The following CSMD1 variants were observed in gnomAD, a reference collection of about 807,000 sequenced individuals.
The protein encoded by CSMD1 is CUB and sushi domain-containing protein 1.
In CSMD1, 213 loss-of-function variants were observed where a neutral mutation model predicts 417.5. The observed-to-expected ratio is 0.51, with a 90% CI of 0.46 to 0.57. The LOEUF (loss-of-function observed/expected upper bound fraction) is 0.57. CSMD1 is among the 20% of genes least tolerant of loss of function. CSMD1 has a pLI of 0.00. For missense variants in CSMD1, 6,923 were observed against 4,529.7 expected (o/e 1.53, Z -15.17); for synonymous variants, 2,862 against 1,736.8 (o/e 1.65, Z -16.11).
chr8:4,679,627 C>G (rs986905310), intron 1 of CSMD1, among the ~76,000 whole-genome samples: 11 of 152,206 alleles, frequency 7.2e-5, no homozygotes, highest in Non-Finnish European at 2.9e-5. Flanking sequence ...GATAATGTAT[C>G]TACAAAAGAT....
rs1009712871 is a variant in CSMD1, at chr8:3,932,863, G to A, written c.818+65040C>T. 4.0e-5 allele frequency among the ~76,000 whole-genome samples: 6 copies of A among 149,918 alleles called. 1 individual carries two copies. Among genetic ancestry groups the A allele is most frequent in the Admixed American group, 6.6e-5 (1 of 15,068 alleles). On this transcript the variant is annotated intron_variant, in intron 5 of 69. Coordinates refer to ENST00000635120, the MANE Select transcript of CSMD1 (RefSeq NM_033225.6). ...TATTGTTATTAGATTTCACTATTGT[G>A]TAAAGTTAAATGTTTTTGAATTTTC...
chr8:3,032,809 G>A (rs530862912), intron 50 of CSMD1, among the ~76,000 whole-genome samples: 2 of 151,798 alleles, frequency 1.3e-5, no homozygotes, highest in Admixed American at 6.6e-5. Context: ...TAGTTTTGGC[G>A]CAAAATTTCA....
At chr8:3,252,256 G>C (rs1250087831) in intron 26 of CSMD1, among the ~76,000 whole-genome samples, 2 of 152,154 alleles carry the variant, frequency 1.3e-5, no homozygotes, top group African/African-American at 2.4e-5. Flanking sequence ...GATTTATTGA[G>C]AGTTTTTAGA....
chr8:4,152,962 G>C (rs7005931), intron 3 of CSMD1, among the ~76,000 whole-genome samples: 4,321 of 152,180 alleles, frequency 0.028, 207 homozygotes, highest in African/African-American at 0.096. Flanking sequence ...AATGGTATTT[G>C]CCTTCATTTT....
At chr8:4,729,478 A>C (rs528674953) in intron 1 of CSMD1, among the ~76,000 whole-genome samples, 1 of 152,306 alleles carries the variant, frequency 6.6e-6, no homozygotes, top group East Asian at 1.9e-4. Flanking sequence ...CTGAAAGGAA[A>C]AGTGAGTCAC....
intron 1 of CSMD1, among the ~76,000 whole-genome samples, chr8:4,746,170 C>G (rs73661109): frequency 0.012 from 1,768 of 152,220 alleles, 26 homozygotes; most frequent in African/African-American, 0.041. Flanking sequence ...ACCTTTTCAT[C>G]CAAAATTCTT....
chr8:3,797,659 C>A (rs1257463578), intron 5 of CSMD1, among the ~76,000 whole-genome samples: 49 of 151,888 alleles, frequency 3.2e-4, no homozygotes, highest in Admixed American at 3.2e-3. Flanking sequence ...TATAATTTAT[C>A]TCTCCAATTA....
At chr8:3,247,275 C>G (rs1178979783) in intron 26 of CSMD1, among the ~76,000 whole-genome samples, 1 of 152,180 alleles carries the variant, frequency 6.6e-6, no homozygotes, top group Non-Finnish European at 1.5e-5. Flanking sequence ...GTTTGTAGTC[C>G]TCAGGCTCCC....
intron 1 of CSMD1, among the ~76,000 whole-genome samples, chr8:4,963,198 ATTTAC>A (rs1809627335): frequency 6.6e-6 from 1 of 151,862 alleles, no homozygotes. Flanking sequence ...CACTTTATTT[ATTTAC>A]TTATTTATTT....
At chr8:4,798,906 A>G (rs1378694930) in intron 1 of CSMD1, among the ~76,000 whole-genome samples, 1 of 152,200 alleles carries the variant, frequency 6.6e-6, no homozygotes, top group South Asian at 2.1e-4. Flanking sequence ...AGACCAAAGT[A>G]AAAATTCAGC....
intron 7 of CSMD1, among the ~76,000 whole-genome samples, chr8:3,671,783 A>C (rs1296936598): frequency 6.6e-6 from 1 of 151,656 alleles, no homozygotes; most frequent in Non-Finnish European, 1.5e-5. Flanking sequence ...GTTAAATTGG[A>C]AAGAGCAGCC....
chr8:4,637,645 T>G (rs73506879), intron 1 of CSMD1, 87 bp from the exon 2 acceptor site: 1,837 of 10,862 alleles, frequency 0.17, 54 homozygotes, highest in Middle Eastern at 0.37. Flanking sequence ...CTTTAGCCAA[T>G]TTTTTTTTTT....
intron 5 of CSMD1, among the ~76,000 whole-genome samples, chr8:3,906,611 T>C (rs1808128990): frequency 6.7e-6 from 1 of 149,678 alleles, no homozygotes; most frequent in African/African-American, 2.5e-5. Context: ...TACTCTAGAA[T>C]CTAACAAACC....
chr8:3,088,301 C>T (rs541960865), intron 48 of CSMD1, among the ~76,000 whole-genome samples: 2 of 152,186 alleles, frequency 1.3e-5, no homozygotes, highest in Admixed American at 1.3e-4. Context: ...CACTACTACA[C>T]AAAATCCTAG....
intron 3 of CSMD1, among the ~76,000 whole-genome samples, chr8:4,338,301 T>C (rs1800287864): frequency 6.6e-6 from 1 of 152,136 alleles, no homozygotes; most frequent in Non-Finnish European, 1.5e-5. Context: ...TAGTTGAATA[T>C]AGTTAGTTAC....
chr8:4,315,365 C>A (rs555242355), intron 3 of CSMD1, among the ~76,000 whole-genome samples: 2 of 152,236 alleles, frequency 1.3e-5, no homozygotes, highest in South Asian at 4.1e-4. Flanking sequence ...GTGGCAGGTA[C>A]CAGCCTGCCT....
chr8:3,408,906 G>C (rs1374828221), intron 13 of CSMD1, among the ~76,000 whole-genome samples: 1 of 151,708 alleles, frequency 6.6e-6, no homozygotes. Context: ...CTTTGCTATA[G>C]TTATTTACAA....
chr8:4,013,127 TCCC>T (rs974862676), intron 4 of CSMD1, among the ~76,000 whole-genome samples: 1 of 152,066 alleles, frequency 6.6e-6, no homozygotes, highest in Non-Finnish European at 1.5e-5. Context: ...TCTTCTCGTA[TCCC>T]CCCATTGTGC....
intron 1 of CSMD1, among the ~76,000 whole-genome samples, chr8:4,772,582 C>A (rs996964469): frequency 6.6e-6 from 1 of 151,970 alleles, no homozygotes; most frequent in Non-Finnish European, 1.5e-5. Flanking sequence ...TGAAAAATAT[C>A]AAAGTGTTTT....
Sources: allele counts gnomAD v4.1 joint callset (sites outside exome capture counted in the v4.1 genomes callset), GRCh38; gene constraint gnomAD v4.1.1; transcripts MANE v1.5; gene names NCBI Gene and HGNC (gene_info 2026-07-23, HGNC 2026-07-21).